SKA3: variants seen among roughly 807,000 people sequenced by gnomAD.
The protein encoded by SKA3 is spindle and kinetochore-associated protein 3.
In SKA3, 39 loss-of-function variants were observed where a neutral mutation model predicts 44.2. The observed-to-expected ratio is 0.88, with a 90% CI of 0.68 to 1.15. The LOEUF is 1.15. Among genes scored for constraint, SKA3 ranks in the 50% most tolerant of loss-of-function variants. SKA3 has a pLI of 0.00. For synonymous variants in SKA3, 192 were observed against 172.0 expected, an observed-to-expected ratio of 1.12 and a Z score of -0.91; for missense variants, 511 against 485.8, an observed-to-expected ratio of 1.05 and a Z score of -0.49.
rs568285484 is a variant in SKA3, at chr13:21,173,634, C to G, written c.104-953G>C. On this transcript the variant is annotated intron_variant, in intron 1 of 8. Coordinates refer to ENST00000314759, the MANE Select transcript of SKA3 (RefSeq NM_145061.6). ...ATTTAATGGACTCAAACAATATGTA[C>G]TCTTTTGCGACTGGCTTCTTTCACT... Among the ~76,000 whole-genome samples the G allele has an allele frequency of 1.8e-4, 27 of 152,242 alleles. 1 individual carries two copies. In the East Asian group the frequency reaches 4.8e-3, roughly 27 times the overall value.
rs542083725 is a variant in SKA3, at chr13:21,168,056, G to A, written c.675C>T (p.Ile225=). ...CVTPKLEHFG[I]SEYTMCLNED... is the part of the protein sequence containing the mutation. ...CATTTAAACACATAGTATATTCAGAGATACCAAAGTGTTCTAATTTAGGAG... is the reference window on the plus strand; with the variant it reads ...CATTTAAACACATAGTATATTCAGAAATACCAAAGTGTTCTAATTTAGGAG... The change falls in exon 4 of 9, where the codon ATC becomes ATT. Residue 225 remains isoleucine, a synonymous_variant. Coordinates refer to ENST00000314759, the MANE Select transcript of SKA3 (RefSeq NM_145061.6). 4 of 1,613,280 alleles carry A rather than the reference G, an allele frequency of 2.5e-6. No homozygotes were observed. The highest frequency in any genetic ancestry group is 2.2e-5 in the East Asian group (1 of 44,864).
chr13:21,169,787 C>T (rs1011526992), intron 3 of SKA3, among the ~76,000 whole-genome samples: 12 of 152,140 alleles, frequency 7.9e-5, no homozygotes, highest in Middle Eastern at 3.2e-3. Context: ...CAGACATGTG[C>T]CACCATGCCC....
chr13:21,172,682 C>A lies in SKA3; in HGVS notation c.104-1G>T. 5 of 1,541,524 alleles carry A rather than the reference C, an allele frequency of 3.2e-6. No homozygotes were observed. Among genetic ancestry groups the A allele is most frequent in the South Asian group, 1.2e-5 (1 of 84,204 alleles). On this transcript the variant is annotated splice_acceptor_variant, in intron 1 of 8. Coordinates refer to ENST00000314759, the MANE Select transcript of SKA3 (RefSeq NM_145061.6). LOFTEE classifies it high-confidence loss of function. ...ATTCTCATTGGATAATCTTCAAAGT[C>A]TTCAATATGAATATTGAAAGAAAAG...
intron 1 of SKA3, among the ~76,000 whole-genome samples, chr13:21,175,466 C>T (rs1266306581): frequency 6.6e-6 from 1 of 151,574 alleles, no homozygotes; most frequent in Non-Finnish European, 1.5e-5. Flanking sequence ...TTAGTAGAGA[C>T]GGGGTTTCAC....
chr13:21,166,601 G>C (rs1870726149), intron 4 of SKA3, among the ~76,000 whole-genome samples: 1 of 152,152 alleles, frequency 6.6e-6, no homozygotes, highest in Admixed American at 6.5e-5. Flanking sequence ...AAATGTAGTG[G>C]TGTGTGCCTG....
At chr13:21,156,215 T>A (rs553500568) in intron 7 of SKA3, among the ~76,000 whole-genome samples, 1 of 148,744 alleles carries the variant, frequency 6.7e-6, no homozygotes, top group Admixed American at 6.7e-5. Flanking sequence ...ACATGCTAAC[T>A]GCAATGAAAA....
chr13:21,166,198 T>C (rs532796653), intron 4 of SKA3, among the ~76,000 whole-genome samples: 1 of 152,020 alleles, frequency 6.6e-6, no homozygotes, highest in East Asian at 2.0e-4. Flanking sequence ...TTCATATTTT[T>C]AGTAGAGAGG....
rs558461172 is a variant in SKA3 at position 21,164,973 on chromosome 13, A to C, written c.743+3015T>G. 1.6e-4 allele frequency among the ~76,000 whole-genome samples: 25 copies of C among 152,320 alleles called. 1 individual carries two copies. Among genetic ancestry groups the C allele is most frequent in the Middle Eastern group, 6.8e-3 (2 of 294 alleles). ...TTACAAGTTTCTTGCAATTACAAAC[A>C]TAATGGTAATTGCAGTATACGCTTT... On this transcript the variant is annotated intron_variant, in intron 4 of 8. Transcript: ENST00000314759.
At chr13:21,167,374 A>G (rs893895489) in intron 4 of SKA3, among the ~76,000 whole-genome samples, 2 of 151,890 alleles carry the variant, frequency 1.3e-5, no homozygotes, top group African/African-American at 4.8e-5. Flanking sequence ...TATCACTTCT[A>G]TAGTCTCTCA....
chr13:21,168,365 C>T lies in SKA3; in HGVS notation c.366G>A (p.Glu122=), dbSNP rs1247367806. 1 of 1,613,436 alleles carries T rather than the reference C, an allele frequency of 6.2e-7. No individual in the cohort carries two copies. Among genetic ancestry groups the T allele is most frequent in the Admixed American group, 1.7e-5 (1 of 59,892 alleles). Residue 122 remains glutamate (E), a synonymous_variant, in exon 4 of 9, where the codon GAG becomes GAA. Transcript: ENST00000314759. ...HEQEAINSDP[E]LSNCENFQKT... is the part of the protein sequence containing the mutation. The stretch of plus-strand genomic sequence containing the variant: ...TCTGAAAATTTTCACAATTAGACAA[C>T]TCTGGGTCAGAGTTAATGGCTTCTT...
chr13:21,167,841 C>G (rs1870800969), intron 4 of SKA3, 147 bp downstream of exon 4: 2 of 564,386 alleles, frequency 3.5e-6, no homozygotes, highest in Admixed American at 8.3e-5. Context: ...CCCCTAAAAC[C>G]TATTGAAATA....
At chr13:21,159,705 T>TA (rs1870326755) in intron 6 of SKA3, among the ~76,000 whole-genome samples, 197 bp downstream of exon 6, 1 of 152,152 alleles carries the variant, frequency 6.6e-6, no homozygotes, top group Non-Finnish European at 1.5e-5. Context: ...TTCAGAGATA[T>TA]GGTTTAAAGG....
intron 1 of SKA3, among the ~76,000 whole-genome samples, chr13:21,174,584 G>A (rs1190644528): frequency 1.3e-5 from 2 of 152,064 alleles, no homozygotes; most frequent in African/African-American, 4.8e-5. Context: ...CCTGTCATGG[G>A]GTGAGGGAAG....
At position 21,176,448 on chromosome 13, in the gene SKA3, C is replaced by T. The variant is rs1433851410; in HGVS notation, c.30G>A (p.Lys10=). 3 of 1,579,028 alleles carry T rather than the reference C, an allele frequency of 1.9e-6. No homozygotes were observed. The highest frequency in any genetic ancestry group is 1.7e-6 in the Non-Finnish European group (2 of 1,163,514). The change falls in exon 1 of 9, where the codon AAG becomes AAA. Residue 10 remains lysine, a synonymous_variant. Coordinates refer to ENST00000314759, the MANE Select transcript of SKA3 (RefSeq NM_145061.6). MDPIRSFCG[K]LRSLASTLDC... is the part of the protein sequence containing the mutation. Reference sequence around the variant, plus strand: ...CCAGCGTGCTGGCCAGAGACCGCAGCTTCCCGCAGAAGCTCCGGATAGGGT... The same window carrying T: ...CCAGCGTGCTGGCCAGAGACCGCAGTTTCCCGCAGAAGCTCCGGATAGGGT...
Position 21,168,123 on chromosome 13 carries a change from G to A in SKA3, c.608C>T (p.Thr203Ile), listed in dbSNP as rs1216950974. ...ATCCATTTTTAGTGCACATTTTGGAGTTTTTAGTACTTTTACTAGTGATTG... is the reference window on the plus strand; with the variant it reads ...ATCCATTTTTAGTGCACATTTTGGAATTTTTAGTACTTTTACTAGTGATTG... Reference protein sequence around the residue: ...TKQSLVKVLKTPKCALKMDDF... With the variant: ...TKQSLVKVLKIPKCALKMDDF... Residue 203 changes from threonine to isoleucine, a missense_variant, in exon 4 of 9, where the codon ACT (threonine) becomes ATT (isoleucine). Coordinates refer to ENST00000314759, the MANE Select transcript of SKA3 (RefSeq NM_145061.6). 6.2e-7 allele frequency: 1 copy of A among 1,614,166 alleles called. No individual in the cohort carries two copies. The highest frequency in any genetic ancestry group is 8.5e-7 in the Non-Finnish European group (1 of 1,180,026).
chr13:21,172,913 G>A (rs1317927357), intron 1 of SKA3, among the ~76,000 whole-genome samples: 2 of 152,092 alleles, frequency 1.3e-5, no homozygotes, highest in Non-Finnish European at 2.9e-5. Context: ...GCAGTCGCAT[G>A]CTATACAGGT....
intron 3 of SKA3, 83 bp from the exon 4 acceptor site, chr13:21,168,482 T>G: frequency 1.8e-6 from 2 of 1,101,506 alleles, no homozygotes; most frequent in Non-Finnish European, 2.4e-6. Flanking sequence ...ACAGCTTATC[T>G]GAAATTTCCC....
chr13:21,160,443 A>G (rs1595298455), intron 5 of SKA3, among the ~76,000 whole-genome samples: 1 of 152,224 alleles, frequency 6.6e-6, no homozygotes, highest in African/African-American at 2.4e-5. Context: ...TATATAGACA[A>G]GAGAGACCCA....
At chr13:21,162,613 C>G (rs1220531612) in intron 4 of SKA3, among the ~76,000 whole-genome samples, 2 of 152,052 alleles carry the variant, frequency 1.3e-5, no homozygotes, top group Non-Finnish European at 2.9e-5. Context: ...GGTGATCCAC[C>G]CACCTTGACC....
Sources: gnomAD v4.1 joint callset for allele counts (sites outside exome capture counted in the v4.1 genomes callset) on GRCh38, gnomAD v4.1.1 for gene constraint, MANE v1.5 for transcripts, NCBI Gene and HGNC (gene_info 2026-07-23, HGNC 2026-07-21) for gene names.